OR7D4: variants seen among roughly 807,000 people sequenced by gnomAD.
OR7D4 encodes olfactory receptor 7D4.
For missense variants in OR7D4, 319 were observed against 377.1 expected (o/e 0.85, Z 1.27); for synonymous variants, 154 against 158.4 (o/e 0.97, Z 0.21).
At position 9,214,791 on chromosome 19, in the gene OR7D4, C is replaced by T. The variant is rs1181954221; in HGVS notation, c.47G>A (p.Gly16Glu). The T allele has an allele frequency of 2.5e-6, 4 of 1,611,676 alleles. No individual in the cohort carries two copies. The African/African-American group carries it at 5.3e-5, about 22-fold the overall frequency. Residue 16 changes from glycine to glutamate, a missense_variant, in exon 2 of 2, where the codon GGA (glycine) becomes GAA (glutamate). By Grantham distance (98) the Gly-to-Glu change is moderately conservative. Coordinates refer to ENST00000641669, the MANE Select transcript of OR7D4 (RefSeq NM_001005191.3). ...LTELSKFLLL[G>E]LSDDPELQPV... ...CTGCAGTTCAGGATCATCTGAGAGT[C>T]CCAGGAGGAGAAATTTTGATAATTC...
At position 9,218,248 on chromosome 19, in the gene OR7D4, T is replaced by C. The variant is rs1340720421; in HGVS notation, c.-14+952A>G. ...TTTAAGACATGTTTGAATATAGACATAAATTTAATAATACAGTAAATAACA... is the reference window on the plus strand; with the variant it reads ...TTTAAGACATGTTTGAATATAGACACAAATTTAATAATACAGTAAATAACA... On this transcript the variant is annotated intron_variant, in intron 1 of 1. Transcript: ENST00000641669. Among the ~76,000 whole-genome samples, 3 of 147,610 alleles carry C rather than the reference T, an allele frequency of 2.0e-5. No individual in the cohort carries two copies. The East Asian group carries it at 6.0e-4, about 29-fold the overall frequency.
Position 9,214,737 on chromosome 19 carries a change from A to G in OR7D4, c.101T>C (p.Met34Thr), listed in dbSNP as rs750868464. ...QPVLFGLFLS[M>T]YLVTVLGNLL... ...GTTCCCCAGCACCGTGACCAGGTAC[A>G]TGGACAGGAACAGCCCAAAGAGGAC... Residue 34 changes from methionine (M) to threonine (T), a missense_variant, in exon 2 of 2, where the codon ATG becomes ACG. Physicochemically the swap from Met to Thr is moderately conservative, Grantham distance 81. Transcript: ENST00000641669. The G allele has an allele frequency of 2.5e-6, 4 of 1,614,086 alleles. No individual in the cohort carries two copies. In the South Asian group the frequency reaches 4.4e-5, roughly 18 times the overall value.
At chr19:9,217,623 C>T (rs1215094936) in intron 1 of OR7D4, among the ~76,000 whole-genome samples, 1 of 152,148 alleles carries the variant, frequency 6.6e-6, no homozygotes, top group African/African-American at 2.4e-5. Context: ...ACTGCAACCT[C>T]TGCCTCCCAG....
At chr19:9,217,363 A>T (rs2051222358) in intron 1 of OR7D4, among the ~76,000 whole-genome samples, 2 of 152,310 alleles carry the variant, frequency 1.3e-5, no homozygotes, top group South Asian at 2.1e-4. Flanking sequence ...TTGAAAAAAA[A>T]TTTGCATTTT....
rs1043165615 is a variant in OR7D4 at position 9,212,675 on chromosome 19, G to A, written c.*1224C>T. 6.6e-5 allele frequency: 10 copies of A among 152,090 alleles called. No homozygotes were observed. Among genetic ancestry groups the A allele is most frequent in the African/African-American group, 2.4e-4 (10 of 41,410 alleles). 9.4% of individuals were successfully genotyped at this position (152,090 alleles called of 1,614,324 possible). On this transcript the variant is annotated 3_prime_UTR_variant, in exon 2 of 2. Transcript: ENST00000641669. ...ACTCATTCTGGCCAGTATATTACTA[G>A]GAACCATTTGACCCAACCAGCTTTC...
In OR7D4 at chr19:9,213,306, C is replaced by G. The variant is rs900445857; in HGVS notation, c.*593G>C. On this transcript the variant is annotated 3_prime_UTR_variant, in exon 2 of 2. Coordinates refer to ENST00000641669, the MANE Select transcript of OR7D4 (RefSeq NM_001005191.3). ...AGTCTCAGAAAGAGTGGTAAGAAAA[C>G]TGATCAAAGATGGAACTTTATGGGA... The G allele has an allele frequency of 1.3e-5, 2 of 151,808 alleles. No individual in the cohort carries two copies. Among genetic ancestry groups the G allele is most frequent in the African/African-American group, 4.9e-5 (2 of 41,168 alleles). The allele number at this position is 151,808 out of a possible 1,614,324, so 9.4% of individuals were successfully genotyped here. A position where few individuals can be genotyped will look rare whatever the true frequency, so the allele number is the denominator to read the frequency against.
rs1345599011 is a variant in OR7D4 at position 9,213,177 on chromosome 19, G to C, written c.*722C>G. ...ATTTTATTTCCTATCCAGAGGACAA[G>C]AAAAAACTATACTAAGGTGAGGAAC... On this transcript the variant is annotated 3_prime_UTR_variant, in exon 2 of 2. Coordinates refer to ENST00000641669, the MANE Select transcript of OR7D4 (RefSeq NM_001005191.3). 6.6e-6 allele frequency: 1 copy of C among 152,084 alleles called. No homozygotes were observed. The highest frequency in any genetic ancestry group is 2.4e-5 in the African/African-American group (1 of 41,416). The allele number at this position is 152,084 out of a possible 1,614,324, so 9.4% of individuals were successfully genotyped here. A position where few individuals can be genotyped will look rare whatever the true frequency, so the allele number is the denominator to read the frequency against.
Position 9,214,778 on chromosome 19 carries a change from A to G in OR7D4, c.60T>C (p.Asp20=), listed in dbSNP as rs147265924. The G allele has an allele frequency of 5.5e-5, 89 of 1,613,820 alleles. No individual in the cohort carries two copies. The African/African-American group carries it at 1.1e-3, about 20-fold the overall frequency. Residue 20 remains aspartate (D), a synonymous_variant, in exon 2 of 2, where the codon GAT becomes GAC. Coordinates refer to ENST00000641669, the MANE Select transcript of OR7D4 (RefSeq NM_001005191.3). The part of the protein sequence containing the change: ...SKFLLLGLSD[D]PELQPVLFGL... ...CAAAGAGGACGGGCTGCAGTTCAGGATCATCTGAGAGTCCCAGGAGGAGAA... is the reference window on the plus strand; with the variant it reads ...CAAAGAGGACGGGCTGCAGTTCAGGGTCATCTGAGAGTCCCAGGAGGAGAA...
rs751509900 is a variant in OR7D4, at chr19:9,214,294, C to T, written c.544G>A (p.Ala182Thr). The T allele has an allele frequency of 2.5e-6, 4 of 1,613,948 alleles. No homozygotes were observed. The highest frequency in any genetic ancestry group is 1.7e-5 in the Admixed American group (1 of 59,984). ...GAGCAGGCCACCTTGAGGACCTGAG[C>T]CGGTTCACAGAAGAAATGCGGAATC... Reference protein sequence around the residue: ...TEIPHFFCEPAQVLKVACSNT... With the variant: ...TEIPHFFCEPTQVLKVACSNT... Residue 182 changes from alanine (A) to threonine (T), a missense_variant, in exon 2 of 2, where the codon GCT becomes ACT. Ala to Thr is a moderately conservative substitution (Grantham distance 58). Transcript: ENST00000641669.
intron 1 of OR7D4, among the ~76,000 whole-genome samples, chr19:9,215,682 G>A (rs945580187): frequency 1.2e-4 from 18 of 152,034 alleles, no homozygotes; most frequent in Admixed American, 7.2e-4. Flanking sequence ...CCATATGCAC[G>A]GTAGGAATAT....
chr19:9,217,906 T>TC (rs1465890344), intron 1 of OR7D4, among the ~76,000 whole-genome samples: 1 of 152,126 alleles, frequency 6.6e-6, no homozygotes, highest in Non-Finnish European at 1.5e-5. Context: ...AGAAGAGAAT[T>TC]CGAGATTGTC....
rs2146004237 is a variant in OR7D4, at chr19:9,213,377, T to G, written c.*522A>C. 1 of 152,708 alleles carries G rather than the reference T, an allele frequency of 6.5e-6. No individual in the cohort carries two copies. The highest frequency in any genetic ancestry group is 2.1e-4 in the South Asian group (1 of 4,840). 9.5% of individuals were successfully genotyped at this position (152,708 alleles called of 1,614,324 possible). A position where few individuals can be genotyped will look rare whatever the true frequency, so the allele number is the denominator to read the frequency against. ...CAAAAAGGGCTTACAGAGGGAGTTT[T>G]TAGGAGAAACTAACACAAAAACAAA... On this transcript the variant is annotated 3_prime_UTR_variant, in exon 2 of 2. Coordinates refer to ENST00000641669, the MANE Select transcript of OR7D4 (RefSeq NM_001005191.3).
chr19:9,216,812 G>C (rs998159811), intron 1 of OR7D4, among the ~76,000 whole-genome samples: 1 of 152,160 alleles, frequency 6.6e-6, no homozygotes, highest in Non-Finnish European at 1.5e-5. Flanking sequence ...GGTTGGTTTT[G>C]AACTCCTGGG....
At position 9,213,860 on chromosome 19, in the gene OR7D4, G is replaced by T; in HGVS notation, c.*39C>A. On this transcript the variant is annotated 3_prime_UTR_variant, in exon 2 of 2. Transcript: ENST00000641669. ...TAAACCCACAACATTTGCCTTAGGG[G>T]TACGCAGTGTGTCCTCTTAGTTCTG... 2 of 1,410,134 alleles carry T rather than the reference G, an allele frequency of 1.4e-6. No homozygotes were observed. The highest frequency in any genetic ancestry group is 1.0e-6 in the Non-Finnish European group (1 of 1,001,226). 87.4% of individuals were successfully genotyped at this position (1,410,134 alleles called of 1,614,324 possible).
rs1250447995 is a variant in OR7D4, at chr19:9,212,132, T to C, written c.*1767A>G. On this transcript the variant is annotated 3_prime_UTR_variant, in exon 2 of 2. Coordinates refer to ENST00000641669, the MANE Select transcript of OR7D4 (RefSeq NM_001005191.3). ...GAAACGTTTTGATACAGGAATGCAA[T>C]GTGAAATAACCACATCGTGGAGAAT... The C allele has an allele frequency of 6.6e-6, 1 of 152,224 alleles. No individual in the cohort carries two copies. The highest frequency in any genetic ancestry group is 2.4e-5 in the African/African-American group (1 of 41,466). 9.4% of individuals were successfully genotyped at this position (152,224 alleles called of 1,614,324 possible).
rs967579756 is a variant in OR7D4, at chr19:9,212,473, A to C, written c.*1426T>G. 40 of 152,302 alleles carry C rather than the reference A, an allele frequency of 2.6e-4. 2 individuals are homozygous for C. Among genetic ancestry groups the C allele is most frequent in the African/African-American group, 9.1e-4 (38 of 41,574 alleles). The allele number at this position is 152,302 out of a possible 1,614,324, so 9.4% of individuals were successfully genotyped here. ...TGATAATATCTTTTGATACCATCAA[A>C]ATGATAATATCTTTATGATATAGAA... On this transcript the variant is annotated 3_prime_UTR_variant, in exon 2 of 2. Coordinates refer to ENST00000641669, the MANE Select transcript of OR7D4 (RefSeq NM_001005191.3).
rs929401979 is a variant in OR7D4 at position 9,211,248 on chromosome 19, G to A, written c.*2651C>T. ...CTAAACCCTACAAACAGCCATGTGAGTGAGCTTCACAGCAGATCCTCTCCA... is the reference window on the plus strand; with the variant it reads ...CTAAACCCTACAAACAGCCATGTGAATGAGCTTCACAGCAGATCCTCTCCA... On this transcript the variant is annotated 3_prime_UTR_variant, in exon 2 of 2. Coordinates refer to ENST00000641669, the MANE Select transcript of OR7D4 (RefSeq NM_001005191.3). 1.3e-5 allele frequency: 2 copies of A among 152,276 alleles called. No individual in the cohort carries two copies. Among genetic ancestry groups the A allele is most frequent in the African/African-American group, 4.8e-5 (2 of 41,462 alleles). 9.4% of individuals were successfully genotyped at this position (152,276 alleles called of 1,614,324 possible).
rs377419980 is a variant in OR7D4 at position 9,214,241 on chromosome 19, C to G, written c.597G>C (p.Leu199Phe). The change falls in exon 2 of 2, where the codon TTG becomes TTC. Residue 199 changes from leucine to phenylalanine, a missense_variant. Physicochemically the swap from Leu to Phe is conservative, Grantham distance 22. Coordinates refer to ENST00000641669, the MANE Select transcript of OR7D4 (RefSeq NM_001005191.3). ...CACCCAGCAGTGCCGTGGCCACATACAAGACAATGTTATTGAGGAGGGTGT... is the reference window on the plus strand; with the variant it reads ...CACCCAGCAGTGCCGTGGCCACATAGAAGACAATGTTATTGAGGAGGGTGT... ...CSNTLLNNIV[L>F]YVATALLGVF... 8.7e-6 allele frequency: 14 copies of G among 1,614,044 alleles called. No homozygotes were observed. Among genetic ancestry groups the G allele is most frequent in the Non-Finnish European group, 1.1e-5 (13 of 1,180,040 alleles).
chr19:9,215,448 C>A (rs1372393346), intron 1 of OR7D4, among the ~76,000 whole-genome samples: 1 of 150,438 alleles, frequency 6.6e-6, no homozygotes, highest in African/African-American at 2.4e-5. Flanking sequence ...TGGTGTGAAT[C>A]TTCCAAAATA....
Sources: gnomAD v4.1 joint callset for allele counts (sites outside exome capture counted in the v4.1 genomes callset) on GRCh38, gnomAD v4.1.1 for gene constraint, MANE v1.5 for transcripts, NCBI Gene and HGNC (gene_info 2026-07-23, HGNC 2026-07-21) for gene names.